The following CTNNA2 variants were observed in gnomAD, a reference collection of about 807,000 sequenced individuals.
CTNNA2 encodes the protein catenin alpha 2.
CTNNA2 carries 42 observed loss-of-function variants against 101.0 expected under a neutral mutation model. The ratio of observed to expected loss-of-function variants is 0.42; its 90% CI spans 0.32 to 0.54. The LOEUF is 0.54. Among genes scored for constraint, CTNNA2 ranks in the 20% least tolerant of loss-of-function variants. The pLI is 0.14. For missense variants in CTNNA2, 871 were observed against 1,223.1 expected (o/e 0.71, Z 4.29); for synonymous variants, 450 against 456.4 (o/e 0.99, Z 0.18).
Position 79,245,019 on chromosome 2 carries a change from C to T in CTNNA2, c.-406+46943C>T, listed in dbSNP as rs57284149. 7.5e-3 allele frequency among the ~76,000 whole-genome samples: 1,139 copies of T among 151,610 alleles called. 12 individuals are homozygous for T. The highest frequency in any genetic ancestry group is 0.026 in the African/African-American group (1,083 of 41,268). On this transcript the variant is annotated intron_variant, in intron 2 of 21. Coordinates refer to the CTNNA2 transcript ENST00000466387. ...CTGAGGCAGGAGAATCGCTTGAACT[C>T]GGGAGGCGGAGTTTGCAGTGAGCTG...
rs1034777031 is a variant in CTNNA2, at chr2:79,753,845, C to G, written c.298+9263C>G. 7.1e-4 allele frequency among the ~76,000 whole-genome samples: 107 copies of G among 150,068 alleles called. 1 individual carries two copies. The highest frequency in any genetic ancestry group is 1.2e-3 in the Non-Finnish European group (80 of 67,636). ...GATATGGTGATATCAACAAGTTCCA[C>G]TATTTTCTTTTCTTTTTCTCTCTTT... On this transcript the variant is annotated intron_variant, in intron 3 of 18. Coordinates refer to ENST00000402739, the MANE Select transcript of CTNNA2 (RefSeq NM_001282597.3).
chr2:79,924,582 A>C (rs1686892557), intron 7 of CTNNA2, among the ~76,000 whole-genome samples: 2 of 152,154 alleles, frequency 1.3e-5, no homozygotes, highest in Non-Finnish European at 2.9e-5. Context: ...GCAAGGTTTT[A>C]GATTTCTTCC....
chr2:80,128,059 ATTC>A (rs1702230429), intron 7 of CTNNA2, among the ~76,000 whole-genome samples: 1 of 152,046 alleles, frequency 6.6e-6, no homozygotes, highest in Non-Finnish European at 1.5e-5. Flanking sequence ...AAGTCATCAG[ATTC>A]TTCTCGGGGG....
At chr2:80,555,571 GTAT>G (rs1692959656) in intron 11 of CTNNA2, 119 bp from the exon 12 acceptor site, 1 of 484,820 alleles carries the variant, frequency 2.1e-6, no homozygotes, top group African/African-American at 2.0e-5. Context: ...TACAATTTTA[GTAT>G]TATTAGGCAT....
At chr2:80,637,374 T>C (rs1351353610) in intron 18 of CTNNA2, among the ~76,000 whole-genome samples, 2 of 152,160 alleles carry the variant, frequency 1.3e-5, no homozygotes, top group Non-Finnish European at 2.9e-5. Flanking sequence ...GTGTAGTTAG[T>C]GATCCATCCA....
At chr2:79,751,923 G>A (rs1478983530) in intron 3 of CTNNA2, among the ~76,000 whole-genome samples, 1 of 152,078 alleles carries the variant, frequency 6.6e-6, no homozygotes, top group Non-Finnish European at 1.5e-5. Context: ...ACAGAAAGAA[G>A]CTAAAAGTTG....
intron 7 of CTNNA2, among the ~76,000 whole-genome samples, chr2:80,089,543 A>G (rs576800129): frequency 1.3e-5 from 2 of 151,728 alleles, no homozygotes; most frequent in South Asian, 4.1e-4. Context: ...TTTTTATTTT[A>G]ACGGTTTCAC....
intron 12 of CTNNA2, among the ~76,000 whole-genome samples, chr2:80,565,110 G>A (rs555538072): frequency 1.4e-4 from 21 of 150,628 alleles, no homozygotes; most frequent in African/African-American, 4.7e-4. Flanking sequence ...GATGAAACTG[G>A]GTGGCTGAGT....
At chr2:80,521,246 A>G (rs769687100) in intron 9 of CTNNA2, among the ~76,000 whole-genome samples, 1 of 152,200 alleles carries the variant, frequency 6.6e-6, no homozygotes, top group Non-Finnish European at 1.5e-5. Context: ...GTGGAAGAAC[A>G]AAAGAGAAAC....
chr2:80,549,999 A>G (rs1319320018), intron 11 of CTNNA2, among the ~76,000 whole-genome samples: 1 of 152,212 alleles, frequency 6.6e-6, no homozygotes, highest in East Asian at 1.9e-4. Flanking sequence ...TACACCAAGT[A>G]TGGTCTTCTG....
intron 7 of CTNNA2, among the ~76,000 whole-genome samples, chr2:80,051,081 A>G (rs1354585644): frequency 1.3e-5 from 2 of 152,116 alleles, no homozygotes; most frequent in African/African-American, 4.8e-5. Flanking sequence ...GGGCGGTATA[A>G]TGTTACCATG....
At chr2:80,454,544 G>A (rs1291960905) in intron 9 of CTNNA2, among the ~76,000 whole-genome samples, 1 of 152,210 alleles carries the variant, frequency 6.6e-6, no homozygotes, top group African/African-American at 2.4e-5. Context: ...CCTTGAACGT[G>A]TTCAAATGTT....
In CTNNA2 at chr2:80,003,108, G is replaced by A. The variant is rs142261133; in HGVS notation, c.1056+93311G>A. Among the ~76,000 whole-genome samples the A allele has an allele frequency of 2.8e-3, 429 of 152,322 alleles. 2 individuals are homozygous for A. The highest frequency in any genetic ancestry group is 9.8e-3 in the African/African-American group (409 of 41,576). Reference sequence around the variant, plus strand: ...GCTTCTAGCAGCAGCAGCAGCAGCAGCAGCCTGTGAGATGGGAGAACCATC... The same window carrying A: ...GCTTCTAGCAGCAGCAGCAGCAGCAACAGCCTGTGAGATGGGAGAACCATC... On this transcript the variant is annotated intron_variant, in intron 7 of 18. Transcript: ENST00000402739.
At chr2:79,187,627 C>T (rs1246827653) in intron 1 of CTNNA2, among the ~76,000 whole-genome samples, 2 of 152,094 alleles carry the variant, frequency 1.3e-5, no homozygotes. Flanking sequence ...TGTTATGCAT[C>T]TTTAATTGTT....
chr2:80,648,108 A>G lies in CTNNA2; in HGVS notation c.*236A>G, dbSNP rs1425228900. ...GTGGCACAGAGCTGTCCTTTGCAAC[A>G]TTCTCATAAAATTGGGCACAGAGTT... On this transcript the variant is annotated 3_prime_UTR_variant, in exon 19 of 19. Coordinates refer to ENST00000402739, the MANE Select transcript of CTNNA2 (RefSeq NM_001282597.3). The G allele has an allele frequency of 6.0e-6, 2 of 335,022 alleles. No individual in the cohort carries two copies. The highest frequency in any genetic ancestry group is 1.1e-5 in the Non-Finnish European group (2 of 184,578). The allele number at this position is 335,022 out of a possible 1,614,324, so 20.8% of individuals were successfully genotyped here.
intron 4 of CTNNA2, among the ~76,000 whole-genome samples, chr2:79,375,389 T>C (rs1311010388): frequency 6.6e-6 from 1 of 152,170 alleles, no homozygotes; most frequent in African/African-American, 2.4e-5. Context: ...TGTTCATTAA[T>C]GAGTATAAGA....
At chr2:79,331,954 T>A (rs1676883019) in intron 3 of CTNNA2, among the ~76,000 whole-genome samples, 1 of 152,154 alleles carries the variant, frequency 6.6e-6, no homozygotes, top group Admixed American at 6.5e-5. Flanking sequence ...GAACAGCAGA[T>A]TAGAATTGTC....
intron 3 of CTNNA2, chr2:79,319,934 T>C (rs1239729021): frequency 2.0e-5 from 3 of 152,218 alleles, no homozygotes; most frequent in Non-Finnish European, 4.4e-5. Flanking sequence ...CAGGCAATTG[T>C]GTTGTTTGAC....
intron 7 of CTNNA2, among the ~76,000 whole-genome samples, chr2:80,307,082 T>A (rs1191643162): frequency 6.7e-6 from 1 of 149,380 alleles, no homozygotes; most frequent in Non-Finnish European, 1.5e-5. Context: ...ATATTTTCTA[T>A]ATATTGCTTT....
Sources: gnomAD v4.1 joint callset for allele counts (sites outside exome capture counted in the v4.1 genomes callset) on GRCh38, gnomAD v4.1.1 for gene constraint, MANE v1.5 for transcripts, NCBI Gene and HGNC (gene_info 2026-07-23, HGNC 2026-07-21) for gene names.